The following MYRIP variants were observed in gnomAD, a reference collection of about 807,000 sequenced individuals.
MYRIP encodes myosin VIIA and Rab interacting protein, also known as rab effector MyRIP.
MYRIP carries 49 observed loss-of-function variants against 98.0 expected under a neutral mutation model. The observed-to-expected ratio is 0.50, with a 90% CI of 0.40 to 0.63. The LOEUF is 0.63. Among genes scored for constraint, MYRIP ranks in the 30% least tolerant of loss-of-function variants. MYRIP has a pLI of 0.00. For missense variants in MYRIP, 1,004 were observed against 1,058.2 expected, an observed-to-expected ratio of 0.95 and a Z score of 0.71; for synonymous variants, 404 against 409.5, an observed-to-expected ratio of 0.99 and a Z score of 0.16.
intron 3 of MYRIP, among the ~76,000 whole-genome samples, chr3:40,055,208 C>A (rs537456958): frequency 3.3e-4 from 51 of 152,264 alleles, no homozygotes; most frequent in African/African-American, 1.1e-3. Flanking sequence ...ACATACCCAC[C>A]AATCACACCA....
At chr3:40,207,574 T>C (rs1352732975) in intron 10 of MYRIP, among the ~76,000 whole-genome samples, 5 of 152,214 alleles carry the variant, frequency 3.3e-5, no homozygotes, top group African/African-American at 1.2e-4. Flanking sequence ...CTTTAGAATT[T>C]ATCCAATTAC....
intron 2 of MYRIP, among the ~76,000 whole-genome samples, chr3:40,043,785 G>T (rs907803592): frequency 6.6e-6 from 1 of 152,184 alleles, no homozygotes. Flanking sequence ...TCTCAATGTA[G>T]TCTCTGAAAT....
At chr3:40,030,573 A>G (rs1307520204) in intron 2 of MYRIP, among the ~76,000 whole-genome samples, 3 of 152,190 alleles carry the variant, frequency 2.0e-5, no homozygotes, top group Non-Finnish European at 4.4e-5. Flanking sequence ...ATTAGAAACA[A>G]TGTAAATGTT....
intron 2 of MYRIP, among the ~76,000 whole-genome samples, chr3:39,998,397 C>CAGAG (rs1297827435): frequency 6.6e-6 from 1 of 151,234 alleles, no homozygotes; most frequent in Admixed American, 6.6e-5. Flanking sequence ...AGCAGACAAA[C>CAGAG]AGCCAAATCA....
At chr3:40,220,085 GT>G (rs1952287675) in intron 11 of MYRIP, among the ~76,000 whole-genome samples, 2 of 151,730 alleles carry the variant, frequency 1.3e-5, no homozygotes, top group African/African-American at 4.8e-5. Context: ...CTGATGGCCA[GT>G]GATGATGAGC....
At chr3:39,966,637 G>T (rs1257284553) in intron 2 of MYRIP, among the ~76,000 whole-genome samples, 1 of 152,208 alleles carries the variant, frequency 6.6e-6, no homozygotes, top group African/African-American at 2.4e-5. Flanking sequence ...GGGGGCAGGG[G>T]GTGGGTAGGG....
intron 3 of MYRIP, among the ~76,000 whole-genome samples, chr3:40,121,940 A>G (rs942609666): frequency 9.2e-5 from 14 of 152,318 alleles, no homozygotes; most frequent in African/African-American, 3.4e-4. Flanking sequence ...TAATTTTTCT[A>G]GAATATTAAA....
chr3:39,977,985 C>T (rs915262142), intron 2 of MYRIP, among the ~76,000 whole-genome samples: 1 of 149,660 alleles, frequency 6.7e-6, no homozygotes, highest in African/African-American at 2.5e-5. Context: ...CATCACATAT[C>T]CATACAAATA....
chr3:40,217,818 A>G (rs7613191), intron 11 of MYRIP, among the ~76,000 whole-genome samples: 13,177 of 152,250 alleles, frequency 0.087, 882 homozygotes, highest in African/African-American at 0.19. Flanking sequence ...GTCTTCTACT[A>G]CTTTCATGAT....
chr3:40,251,267 T>C (rs898385483), intron 15 of MYRIP, among the ~76,000 whole-genome samples: 1 of 152,218 alleles, frequency 6.6e-6, no homozygotes, highest in African/African-American at 2.4e-5. Context: ...AAACATTTAT[T>C]GAATGTTTAT....
intron 1 of MYRIP, among the ~76,000 whole-genome samples, chr3:39,876,362 G>A (rs1016828438): frequency 6.6e-6 from 1 of 152,150 alleles, no homozygotes; most frequent in Non-Finnish European, 1.5e-5. Flanking sequence ...ATACTGTTAT[G>A]TGTGAATTTG....
In MYRIP at chr3:39,906,772, AT is replaced by A. The variant is rs1288920710; in HGVS notation, c.110+5849del. 4.6e-5 allele frequency among the ~76,000 whole-genome samples: 7 copies of A among 152,304 alleles called. No homozygotes were observed. The South Asian group carries it at 1.2e-3, about 27-fold the overall frequency. The stretch of plus-strand genomic sequence containing the variant: ...GGCCCTCAGCTGGGATCAGTGTGGT[AT>A]TTATAGCTGCACCAGGTACTGTTGG... On this transcript the variant is annotated intron_variant, in intron 2 of 16. Coordinates refer to ENST00000302541, the MANE Select transcript of MYRIP (RefSeq NM_015460.4).
intron 10 of MYRIP, among the ~76,000 whole-genome samples, chr3:40,198,480 T>A (rs927810879): frequency 1.3e-5 from 2 of 152,170 alleles, no homozygotes; most frequent in South Asian, 4.1e-4. Flanking sequence ...ATAAAAAAAA[T>A]TTCGCCATTC....
intron 3 of MYRIP, among the ~76,000 whole-genome samples, chr3:40,120,431 A>G (rs902767545): frequency 5.2e-4 from 79 of 152,212 alleles, no homozygotes; most frequent in Non-Finnish European, 1.8e-4. Context: ...TGATATGAAT[A>G]TGAAGATGTT....
At chr3:40,035,965 G>A (rs1057470443) in intron 2 of MYRIP, among the ~76,000 whole-genome samples, 13 of 151,978 alleles carry the variant, frequency 8.6e-5, no homozygotes, top group African/African-American at 3.1e-4. Flanking sequence ...TACCCAGAAT[G>A]TATCTCAGAA....
chr3:40,077,171 C>T (rs556476196), intron 3 of MYRIP, among the ~76,000 whole-genome samples: 5 of 152,044 alleles, frequency 3.3e-5, no homozygotes, highest in South Asian at 2.1e-4. Flanking sequence ...CAGACCTTCG[C>T]GGTGAGTGTT....
intron 3 of MYRIP, among the ~76,000 whole-genome samples, chr3:40,066,369 G>A (rs1207570090): frequency 6.6e-6 from 1 of 152,164 alleles, no homozygotes; most frequent in African/African-American, 2.4e-5. Flanking sequence ...ACTTCTGGGG[G>A]ACAAAGCAAT....
chr3:40,045,858 A>G (rs1947659248), intron 3 of MYRIP, among the ~76,000 whole-genome samples: 1 of 152,162 alleles, frequency 6.6e-6, no homozygotes, highest in African/African-American at 2.4e-5. Context: ...GTAAGGAAAA[A>G]CAGAAAGGGG....
At position 40,176,767 on chromosome 3, in the gene MYRIP, G is replaced by A. The variant is rs534471265; in HGVS notation, c.874-5453G>A. 5.9e-5 allele frequency among the ~76,000 whole-genome samples: 9 copies of A among 151,870 alleles called. No individual in the cohort carries two copies. The South Asian group carries it at 1.9e-3, about 32-fold the overall frequency. On this transcript the variant is annotated intron_variant, in intron 8 of 16. Coordinates refer to ENST00000302541, the MANE Select transcript of MYRIP (RefSeq NM_015460.4). ...TACTAAAAATACAAAAAATTAGCTG[G>A]GTGTGGTGGTGGGCACCTGTAATCC...
Sources: gnomAD v4.1 joint callset for allele counts (sites outside exome capture counted in the v4.1 genomes callset) on GRCh38, gnomAD v4.1.1 for gene constraint, MANE v1.5 for transcripts, NCBI Gene and HGNC (gene_info 2026-07-23, HGNC 2026-07-21) for gene names.